The following FANCM variants were observed in gnomAD, a reference collection of about 807,000 sequenced individuals.
FANCM encodes the protein FA complementation group M.
In FANCM, 140 loss-of-function variants were observed where a neutral mutation model predicts 199.5. The ratio of observed to expected loss-of-function variants is 0.70; its 90% CI spans 0.61 to 0.81. The LOEUF is 0.81. Ranked by LOEUF, FANCM falls within the 30% of genes least tolerant of loss-of-function variation. The pLI, the probability that FANCM is intolerant of heterozygous loss-of-function variation, is 0.00. For missense variants in FANCM, 2,410 were observed against 2,421.4 expected (o/e 1.00, Z 0.10); for synonymous variants, 840 against 836.8 (o/e 1.00, Z -0.07).
At chr14:45,183,461 A>G (rs909673639) in intron 16 of FANCM, among the ~76,000 whole-genome samples, 1 of 152,156 alleles carries the variant, frequency 6.6e-6, no homozygotes, top group Non-Finnish European at 1.5e-5. Flanking sequence ...AAATACTGTT[A>G]AACTAAAAGT....
At chr14:45,185,592 T>C (rs1042677346) in intron 18 of FANCM, among the ~76,000 whole-genome samples, 4 of 152,176 alleles carry the variant, frequency 2.6e-5, no homozygotes, top group African/African-American at 9.7e-5. Context: ...TCTCTTCAGA[T>C]TGACCTGGGT....
At chr14:45,156,580 C>T (rs377117275) in intron 8 of FANCM, among the ~76,000 whole-genome samples, 2 of 151,892 alleles carry the variant, frequency 1.3e-5, no homozygotes, top group South Asian at 2.1e-4. Context: ...AAATTGGAGC[C>T]AACTTATTTA....
intron 2 of FANCM, 83 bp from the exon 3 acceptor site, chr14:45,140,549 A>C (rs1885838397): frequency 1.3e-6 from 1 of 770,082 alleles, no homozygotes; most frequent in Non-Finnish European, 2.3e-6. Flanking sequence ...ATGATAAGGG[A>C]CCATGTATAA....
intron 10 of FANCM, 89 bp from the exon 11 acceptor site, chr14:45,166,861 C>A: frequency 2.6e-6 from 2 of 778,826 alleles, no homozygotes; most frequent in Non-Finnish European, 4.4e-6. Context: ...TTTATGTTTA[C>A]AATAAATCCA....
Position 45,151,377 on chromosome 14 carries a change from G to C in FANCM, c.919-20G>C. ...AGGACTTTAGAGCAAGCTTAAACTA[G>C]ATTGCTTTTAAATTTGCAGATTTTG... is the stretch of plus-strand genomic sequence containing the variant. On this transcript the variant is annotated intron_variant, in intron 4 of 22. Coordinates refer to ENST00000267430, the MANE Select transcript of FANCM (RefSeq NM_020937.4). 6.2e-7 allele frequency: 1 copy of C among 1,611,916 alleles called. No homozygotes were observed. The highest frequency in any genetic ancestry group is 8.5e-7 in the Non-Finnish European group (1 of 1,178,370).
chr14:45,166,769 C>T (rs1246995277), intron 10 of FANCM, among the ~76,000 whole-genome samples, 181 bp from the exon 11 acceptor site: 1 of 148,246 alleles, frequency 6.7e-6, no homozygotes, highest in Non-Finnish European at 1.5e-5. Flanking sequence ...CAGAGTAAGA[C>T]CCTGTCTCAA....
chr14:45,192,741 A>G (rs967373442), intron 20 of FANCM, among the ~76,000 whole-genome samples: 2 of 152,132 alleles, frequency 1.3e-5, no homozygotes, highest in African/African-American at 4.8e-5. Context: ...AGGTGGAAGG[A>G]TCACCTGACC....
At chr14:45,177,825 A>G (rs1888811865) in intron 14 of FANCM, among the ~76,000 whole-genome samples, 2 of 152,214 alleles carry the variant, frequency 1.3e-5, no homozygotes, top group Admixed American at 1.3e-4. Context: ...GGAAAGTATG[A>G]TTTTGGGAGA....
At chr14:45,153,720 C>T (rs1422300389) in intron 5 of FANCM, among the ~76,000 whole-genome samples, 200 bp from the exon 6 acceptor site, 1 of 151,972 alleles carries the variant, frequency 6.6e-6, no homozygotes, top group African/African-American at 2.4e-5. Flanking sequence ...ATACAAAATA[C>T]ATTGGTACCT....
intron 21 of FANCM, 44 bp downstream of exon 21, chr14:45,196,591 C>T: frequency 1.3e-6 from 2 of 1,578,588 alleles, no homozygotes; most frequent in Non-Finnish European, 1.7e-6. Flanking sequence ...TGTAAAGGAA[C>T]TTTACGGTTA....
chr14:45,154,713 A>T lies in FANCM; in HGVS notation c.1200A>T (p.Lys400Asn). The part of the protein sequence containing the change: ...MDGTKGMTRS[K>N]NELGRNEDFM... ...TTTCTGAAGGGATGACACGGTCAAA[A>T]AATGAACTTGGCCGAAATGAAGACT... Residue 400 changes from lysine (K) to asparagine (N), a missense_variant, in exon 7 of 23, where the codon AAA becomes AAT. Transcript: ENST00000267430. 6.2e-7 allele frequency: 1 copy of T among 1,600,542 alleles called. No individual in the cohort carries two copies. Among genetic ancestry groups the T allele is most frequent in the Non-Finnish European group, 8.5e-7 (1 of 1,170,582 alleles).
chr14:45,141,699 C>T (rs1037683884), intron 3 of FANCM, among the ~76,000 whole-genome samples: 4 of 151,140 alleles, frequency 2.6e-5, no homozygotes, highest in African/African-American at 4.9e-5. Flanking sequence ...AAGCGATTCT[C>T]TTGCCTCACC....
intron 4 of FANCM, among the ~76,000 whole-genome samples, chr14:45,149,433 T>G (rs1886665381): frequency 6.6e-6 from 1 of 152,076 alleles, no homozygotes; most frequent in Non-Finnish European, 1.5e-5. Context: ...TTTGTTGTTT[T>G]TTGTTCAGCT....
chr14:45,160,130 G>A (rs548609450), intron 9 of FANCM, among the ~76,000 whole-genome samples: 64 of 149,496 alleles, frequency 4.3e-4, no homozygotes, highest in Non-Finnish European at 8.3e-4. Flanking sequence ...CCTCCAGAGA[G>A]CTGGGATTAC....
chr14:45,168,857 G>A (rs1166225977), intron 11 of FANCM, among the ~76,000 whole-genome samples: 1 of 147,372 alleles, frequency 6.8e-6, no homozygotes. Flanking sequence ...TAGTGTATTT[G>A]TAGTATATAT....
At position 45,169,857 on chromosome 14, in the gene FANCM, G is replaced by A. The variant is rs1888228623; in HGVS notation, c.2003-732G>A. On this transcript the variant is annotated intron_variant, in intron 11 of 22. Coordinates refer to ENST00000267430, the MANE Select transcript of FANCM (RefSeq NM_020937.4). ...ATACATATTTTTAAAAGTCTATTAT[G>A]TCCTTTTTTAAAGCAACAAGTCTGT... Among the ~76,000 whole-genome samples, 6 of 152,090 alleles carry A rather than the reference G, an allele frequency of 3.9e-5. 1 individual carries two copies. Among genetic ancestry groups the A allele is most frequent in the Admixed American group, 3.9e-4 (6 of 15,262 alleles).
At chr14:45,167,819 G>C (rs532266367) in intron 11 of FANCM, among the ~76,000 whole-genome samples, 84 of 152,228 alleles carry the variant, frequency 5.5e-4, no homozygotes, top group African/African-American at 1.9e-3. Context: ...AAGGAACCTT[G>C]GGAGTCATGT....
At chr14:45,194,658 T>G (rs991803599) in intron 20 of FANCM, among the ~76,000 whole-genome samples, 1 of 152,184 alleles carries the variant, frequency 6.6e-6, no homozygotes. Context: ...GTATGTAGGT[T>G]GTTTCTAATC....
chr14:45,197,883 T>A (rs1020629928), intron 21 of FANCM, among the ~76,000 whole-genome samples: 7 of 151,434 alleles, frequency 4.6e-5, no homozygotes, highest in Non-Finnish European at 5.9e-5. Flanking sequence ...CCTGCCTCAG[T>A]CTTCTGAGTA....
Sources: gnomAD v4.1 joint callset for allele counts (sites outside exome capture counted in the v4.1 genomes callset) on GRCh38, gnomAD v4.1.1 for gene constraint, MANE v1.5 for transcripts, NCBI Gene and HGNC (gene_info 2026-07-23, HGNC 2026-07-21) for gene names.